The following ACTN3 variants were observed in gnomAD, a reference collection of about 807,000 sequenced individuals.
ACTN3 encodes actinin alpha 3, also known as alpha-actinin-3.
Under a neutral mutation model 119.6 loss-of-function variants are expected in ACTN3, and 91 were observed. The observed-to-expected ratio is 0.76, with a 90% CI of 0.64 to 0.91. The LOEUF is 0.91. Ranked by LOEUF, ACTN3 falls within the 40% of genes least tolerant of loss-of-function variation. ACTN3 has a pLI of 0.00. For synonymous variants in ACTN3, 456 were observed against 478.8 expected (o/e 0.95, Z 0.62); for missense variants, 1,221 against 1,215.1 (o/e 1.00, Z -0.07).
At chr11:66,560,819 G>C (rs1420371238) in intron 15 of ACTN3, 64 bp downstream of exon 15, 64 of 1,521,572 alleles carry the variant, frequency 4.2e-5, no homozygotes, top group Non-Finnish European at 5.4e-5. Context: ...CTGAAATCTC[G>C]GGTGGCCCAA....
chr11:66,561,268 G>A lies in ACTN3; in HGVS notation c.1902G>A (p.Glu634=). 1.9e-6 allele frequency: 3 copies of A among 1,601,870 alleles called. No individual in the cohort carries two copies. Among genetic ancestry groups the A allele is most frequent in the Non-Finnish European group, 2.6e-6 (3 of 1,175,368 alleles). The change falls in exon 16 of 21, where the codon GAG becomes GAA. Residue 634 remains glutamate (E), a synonymous_variant. Coordinates refer to ENST00000513398, the MANE Select transcript of ACTN3 (RefSeq NM_001104.4). The part of the protein sequence containing the change: ...LVPSCDQTLQ[E]ELARQQVNER... ...CCAGCTGTGACCAGACACTGCAGGA[G>A]GAGCTGGCACGGCAGCAGGTAAACG...
intron 4 of ACTN3, 98 bp downstream of exon 4, chr11:66,554,229 C>G: frequency 1.1e-6 from 1 of 945,830 alleles, no homozygotes; most frequent in Non-Finnish European, 1.6e-6. Context: ...CTTGAAGGAT[C>G]GCCCAGGAGT....
chr11:66,546,738 G>C (rs1857350441), upstream of ACTN3: 1 of 1,535,548 alleles, frequency 6.5e-7, no homozygotes, highest in African/African-American at 1.4e-5. Flanking sequence ...GATCCACCCC[G>C]GCGCCCCCGA....
At chr11:66,560,114 TGGG>T in intron 13 of ACTN3, 38 bp downstream of exon 13, 1 of 586,222 alleles carries the variant, frequency 1.7e-6, no homozygotes, top group Admixed American at 4.1e-5. Context: ...GGTGGGTAGG[TGGG>T]TGAGGCCAGG....
chr11:66,557,973 C>A, intron 10 of ACTN3, 44 bp downstream of exon 10: 1 of 1,613,038 alleles, frequency 6.2e-7, no homozygotes, highest in Non-Finnish European at 8.5e-7. Context: ...AGGTCCGTAT[C>A]CCATCTGTAC....
In ACTN3 at chr11:66,559,259, C is replaced by G. The variant is rs756933832; in HGVS notation, c.1300C>G (p.Arg434Gly). 6.4e-7 allele frequency: 1 copy of G among 1,559,876 alleles called. No individual in the cohort carries two copies. Among genetic ancestry groups the G allele is most frequent in the Non-Finnish European group, 8.7e-7 (1 of 1,154,918 alleles). ...AGGAAAGGAGGAGATGCTGAGCCAG[C>G]GCGACTACGATTCGGCTTTGCTACA... Reference protein sequence around the residue: ...TRGKEEMLSQRDYDSALLQEV... With the variant: ...TRGKEEMLSQGDYDSALLQEV... Residue 434 changes from arginine to glycine, a missense_variant, in exon 12 of 21, where the codon CGC becomes GGC. Around this residue, in one of 3 missense-constraint regions of ACTN3, gnomAD observed 934 missense variants for 899.9 expected, o/e 1.04. Coordinates refer to ENST00000513398, the MANE Select transcript of ACTN3 (RefSeq NM_001104.4).
chr11:66,557,898 C>A lies in ACTN3; in HGVS notation c.1097C>A (p.Ala366Asp), dbSNP rs2134932924. Reference protein sequence around the residue: ...QTKLRLSHRPAFMPSEGKLVS... With the variant: ...QTKLRLSHRPDFMPSEGKLVS... ...AAGTTGCGGCTCAGCCACCGGCCTGCCTTCATGCCCTCCGAGGGCAAGCTG... is the reference window on the plus strand; with the variant it reads ...AAGTTGCGGCTCAGCCACCGGCCTGACTTCATGCCCTCCGAGGGCAAGCTG... Residue 366 changes from alanine to aspartate, a missense_variant, in exon 10 of 21, where the codon GCC becomes GAC. By Grantham distance (126) the Ala-to-Asp change is moderately radical. This residue lies in a region of ACTN3 where 934 missense variants were observed against 899.9 expected (regional missense o/e 1.04). Coordinates refer to ENST00000513398, the MANE Select transcript of ACTN3 (RefSeq NM_001104.4). The A allele has an allele frequency of 6.2e-7, 1 of 1,614,138 alleles. No homozygotes were observed. The highest frequency in any genetic ancestry group is 2.2e-5 in the East Asian group (1 of 44,874).
intron 8 of ACTN3, among the ~76,000 whole-genome samples, 182 bp downstream of exon 8, chr11:66,556,412 G>A (rs1174262012): frequency 1.3e-5 from 2 of 152,146 alleles, no homozygotes; most frequent in Non-Finnish European, 2.9e-5. Flanking sequence ...CCTAAGAGCC[G>A]TGCTCCCCCA....
intron 5 of ACTN3, 62 bp from the exon 6 acceptor site, chr11:66,555,068 C>T: frequency 1.3e-6 from 2 of 1,490,196 alleles, no homozygotes; most frequent in African/African-American, 1.4e-5. Flanking sequence ...TGCTCCTGGG[C>T]CGAGGGGAGA....
At chr11:66,546,594 C>T (rs886719400), upstream of ACTN3, 9 of 1,535,524 alleles carry the variant, frequency 5.9e-6, no homozygotes, top group African/African-American at 1.2e-4. Context: ...TAGAGCGGCC[C>T]GCGGCCACTA....
chr11:66,558,635 T>C (rs1368157463), intron 11 of ACTN3, among the ~76,000 whole-genome samples: 1 of 152,148 alleles, frequency 6.6e-6, no homozygotes, highest in Non-Finnish European at 1.5e-5. Flanking sequence ...CCCAAAGTGC[T>C]GGGATTACAG....
intron 3 of ACTN3, 94 bp from the exon 4 acceptor site, chr11:66,553,951 G>A: frequency 9.9e-7 from 1 of 1,005,452 alleles, no homozygotes; most frequent in South Asian, 1.6e-5. Flanking sequence ...GGAGACAAGG[G>A]CCAGAGGGCT....
intron 17 of ACTN3, 129 bp downstream of exon 17, chr11:66,561,766 C>A: frequency 8.2e-7 from 1 of 1,213,856 alleles, no homozygotes; most frequent in Non-Finnish European, 1.1e-6. Flanking sequence ...TCCCTTAAGA[C>A]CCAGCGATGG....
chr11:66,555,182 CTCA>C lies in ACTN3; in HGVS notation c.613_615del (p.Ile205del), dbSNP rs1219344620. On this transcript the variant is annotated inframe_deletion, in exon 6 of 21. Coordinates refer to ENST00000513398, the MANE Select transcript of ACTN3 (RefSeq NM_001104.4). The stretch of plus-strand genomic sequence containing the variant: ...CCTCATCCACCGACACCGCCCTGAC[CTCA>C]TCGACTACGCCAAACTGCGAAAGGT... The C allele has an allele frequency of 6.2e-7, 1 of 1,613,920 alleles. No individual in the cohort carries two copies. The highest frequency in any genetic ancestry group is 2.2e-5 in the East Asian group (1 of 44,878).
chr11:66,562,620 G>C (rs1857808219), intron 19 of ACTN3, 176 bp from the exon 20 acceptor site: 1 of 303,260 alleles, frequency 3.3e-6, no homozygotes, highest in Non-Finnish European at 4.8e-6. Context: ...GTAGGATGCA[G>C]ATTTCAGCCT....
At position 66,559,373 on chromosome 11, in the gene ACTN3, G is replaced by A; in HGVS notation, c.1414G>A (p.Ala472Thr). ...CCGCGTGGAGCACATTGCCGCGCTG[G>A]CCCAGGAGCTCAAGTAGGCGGGGCC... ...QDRVEHIAALAQELNELDYHE... is the reference protein window; with the variant it reads ...QDRVEHIAALTQELNELDYHE... The change falls in exon 12 of 21, where the codon GCC becomes ACC. Residue 472 changes from alanine to threonine, a missense_variant. Physicochemically the swap from Ala to Thr is moderately conservative, Grantham distance 58 (BLOSUM62 0). This residue lies in a region of ACTN3 where 934 missense variants were observed against 899.9 expected (regional missense o/e 1.04). Coordinates refer to ENST00000513398, the MANE Select transcript of ACTN3 (RefSeq NM_001104.4). The A allele has an allele frequency of 1.3e-6, 2 of 1,543,920 alleles. No individual in the cohort carries two copies. The highest frequency in any genetic ancestry group is 1.7e-6 in the Non-Finnish European group (2 of 1,151,958).
At chr11:66,558,461 A>G (rs1857653954) in intron 11 of ACTN3, among the ~76,000 whole-genome samples, 1 of 152,122 alleles carries the variant, frequency 6.6e-6, no homozygotes, top group Non-Finnish European at 1.5e-5. Context: ...TCTGCCTCCC[A>G]GGCTCAAGCG....
chr11:66,549,046 A>C (rs955215841), intron 1 of ACTN3, among the ~76,000 whole-genome samples: 6 of 151,856 alleles, frequency 4.0e-5, no homozygotes, highest in Non-Finnish European at 7.4e-5. Flanking sequence ...ATCAAATTTT[A>C]ACTCCCCAGC....
At chr11:66,562,773 G>A in intron 19 of ACTN3, 23 bp from the exon 20 acceptor site, 2 of 1,587,234 alleles carry the variant, frequency 1.3e-6, no homozygotes, top group Non-Finnish European at 1.7e-6. Flanking sequence ...CATGGGCATA[G>A]TGCCTGGCCT....
Sources: allele counts gnomAD v4.1 joint callset (sites outside exome capture counted in the v4.1 genomes callset), GRCh38; gene constraint gnomAD v4.1.1; regional missense constraint gnomAD v4.1.1; transcripts MANE v1.5; gene names NCBI Gene and HGNC (gene_info 2026-07-23, HGNC 2026-07-21).